Variants in PGBD5 observed in about 807,000 individuals in gnomAD.
PGBD5 encodes the protein piggyBac transposable element-derived protein 5.
Under a neutral mutation model 47.9 loss-of-function variants are expected in PGBD5, and 14 were observed. The ratio of observed to expected loss-of-function variants is 0.29; its 90% confidence interval spans 0.19 to 0.46. The LOEUF is 0.46. Among genes scored for constraint, PGBD5 ranks in the 20% least tolerant of loss-of-function variants. The probability of loss-of-function intolerance (pLI) is 1.00; values close to 1 mark genes in which losing one functional copy is unlikely to be tolerated. For synonymous variants in PGBD5, 316 were observed against 306.3 expected, an observed-to-expected ratio of 1.03 and a Z score of -0.33; for missense variants, 635 against 716.0, an observed-to-expected ratio of 0.89 and a Z score of 1.29.
At chr1:230,358,187 C>A (rs114248030) in intron 1 of PGBD5, among the ~76,000 whole-genome samples, 6 of 152,160 alleles carry the variant, frequency 3.9e-5, no homozygotes, top group African/African-American at 1.4e-4. Flanking sequence ...CTCCTCCCTC[C>A]CCTGCAGACC....
rs865959364 is a variant in PGBD5 at position 230,421,135 on chromosome 1, G to T, written c.331+4463C>A. On this transcript the variant is annotated intron_variant, in intron 1 of 6. Transcript: ENST00000391860. ...CTCTGAGTACTCATTAGGACAACTC[G>T]GGACAGCAAGGATTAAACAGGGAGC... Among the ~76,000 whole-genome samples, 8 of 152,214 alleles carry T rather than the reference G, an allele frequency of 5.3e-5. No homozygotes were observed. In the Middle Eastern group the frequency reaches 0.01, roughly 194 times the overall value.
chr1:230,328,654 C>T (rs1227126078), intron 5 of PGBD5, among the ~76,000 whole-genome samples: 1 of 152,216 alleles, frequency 6.6e-6, no homozygotes, highest in African/African-American at 2.4e-5. Flanking sequence ...ATCGACATGG[C>T]CCTGTCTTCC....
intron 1 of PGBD5, among the ~76,000 whole-genome samples, chr1:230,381,366 C>T (rs1656483852): frequency 6.6e-6 from 1 of 152,238 alleles, no homozygotes; most frequent in Admixed American, 6.5e-5. Context: ...GCACACGCTG[C>T]TGCTGCCTGC....
intron 1 of PGBD5, among the ~76,000 whole-genome samples, chr1:230,389,361 C>T (rs555970184): frequency 3.3e-5 from 5 of 151,710 alleles, no homozygotes; most frequent in Non-Finnish European, 5.9e-5. Context: ...TTGGTAGAGA[C>T]GGGGTTTCAC....
chr1:230,416,598 G>C (rs1657519367), intron 1 of PGBD5, among the ~76,000 whole-genome samples: 2 of 152,208 alleles, frequency 1.3e-5, no homozygotes, highest in Non-Finnish European at 2.9e-5. Flanking sequence ...AGGCCAGCAG[G>C]CAAGGGCTGC....
intron 1 of PGBD5, among the ~76,000 whole-genome samples, chr1:230,411,957 G>T (rs1558215062): frequency 2.6e-5 from 4 of 152,106 alleles, no homozygotes; most frequent in Non-Finnish European, 5.9e-5. Context: ...TTGACAAAAG[G>T]TATATAAAAC....
chr1:230,425,213 T>C lies in PGBD5; in HGVS notation c.331+385A>G, dbSNP rs1246893982. Among the ~76,000 whole-genome samples the C allele has an allele frequency of 1.3e-5, 2 of 151,920 alleles. No individual in the cohort carries two copies. Among genetic ancestry groups the C allele is most frequent in the African/African-American group, 4.8e-5 (2 of 41,330 alleles). The stretch of plus-strand genomic sequence containing the variant: ...CAGTGAAAAAACGACTCCCCCTGCC[T>C]CCACCAGCCACGCCGGGCTTTCAGA... On this transcript the variant is annotated intron_variant, in intron 1 of 6. Coordinates refer to ENST00000391860, the MANE Select transcript of PGBD5 (RefSeq NM_001258311.2). This position sits in a 1 kb window ranked among gnomAD's most constrained non-coding sequence, Gnocchi z 4.7.
chr1:230,352,962 A>G (rs975173519), intron 2 of PGBD5, among the ~76,000 whole-genome samples: 1 of 152,218 alleles, frequency 6.6e-6, no homozygotes, highest in African/African-American at 2.4e-5. Context: ...CTTCAGAAAG[A>G]AAGTGCACCT....
chr1:230,426,059 C>T lies in PGBD5; in HGVS notation c.-131G>A. On this transcript the variant is annotated 5_prime_UTR_variant, in exon 1 of 7. Coordinates refer to ENST00000391860, the MANE Select transcript of PGBD5 (RefSeq NM_001258311.2). ...CAGCACAGCGCCCGCCGCCCCGTGC[C>T]CGGCCGGCCCGCCGTCTTGGCCGCC... 3.0e-6 allele frequency: 1 copy of T among 330,638 alleles called. No individual in the cohort carries two copies. Among genetic ancestry groups the T allele is most frequent in the Non-Finnish European group, 4.3e-6 (1 of 234,476 alleles). 20.5% of individuals were successfully genotyped at this position (330,638 alleles called of 1,614,324 possible).
At chr1:230,364,383 C>A (rs1221249380) in intron 1 of PGBD5, among the ~76,000 whole-genome samples, 3 of 152,256 alleles carry the variant, frequency 2.0e-5, no homozygotes, top group Non-Finnish European at 2.9e-5. Context: ...TTAGTGTTAA[C>A]CTCCTAAATG....
chr1:230,409,828 A>C (rs186771444), intron 1 of PGBD5, among the ~76,000 whole-genome samples: 1 of 152,086 alleles, frequency 6.6e-6, no homozygotes, highest in African/African-American at 2.4e-5. Context: ...AAGAACTTCC[A>C]TATTATCAAG....
At chr1:230,389,031 C>T (rs1228207205) in intron 1 of PGBD5, among the ~76,000 whole-genome samples, 1 of 152,230 alleles carries the variant, frequency 6.6e-6, no homozygotes, top group East Asian at 1.9e-4. Flanking sequence ...GAGGAAGCTG[C>T]CTTGGGCTCA....
rs944813498 is a variant in PGBD5 at position 230,321,513 on chromosome 1, A to G, written c.*1912T>C. The G allele has an allele frequency of 3.9e-5, 6 of 152,216 alleles. No individual in the cohort carries two copies. Among genetic ancestry groups the G allele is most frequent in the Non-Finnish European group, 8.8e-5 (6 of 68,042 alleles). The allele number at this position is 152,216 out of a possible 1,614,324, so 9.4% of individuals were successfully genotyped here. On this transcript the variant is annotated 3_prime_UTR_variant, in exon 7 of 7. Transcript: ENST00000391860. ...GAAATGGGCTTTCGCCATGTTGCCAATGCTGGTCTCAAACTCCTGGACTCA... is the reference window on the plus strand; with the variant it reads ...GAAATGGGCTTTCGCCATGTTGCCAGTGCTGGTCTCAAACTCCTGGACTCA...
chr1:230,418,102 G>A (rs1657557922), intron 1 of PGBD5, among the ~76,000 whole-genome samples: 1 of 152,174 alleles, frequency 6.6e-6, no homozygotes, highest in South Asian at 2.1e-4. Flanking sequence ...CCCCCCACCA[G>A]CAAAGAATTA....
At chr1:230,377,150 T>G (rs1418512531) in intron 1 of PGBD5, among the ~76,000 whole-genome samples, 3 of 152,194 alleles carry the variant, frequency 2.0e-5, no homozygotes, top group Non-Finnish European at 4.4e-5. Context: ...AATGAGCTCC[T>G]AAATGCATAA....
intron 5 of PGBD5, 98 bp downstream of exon 5, chr1:230,332,746 A>G: frequency 1.4e-6 from 2 of 1,401,056 alleles, no homozygotes; most frequent in South Asian, 1.3e-5. Flanking sequence ...AGAGCAGCAC[A>G]GCCCACAGTG....
chr1:230,351,659 G>A (rs1295609843), intron 2 of PGBD5, among the ~76,000 whole-genome samples: 3 of 152,012 alleles, frequency 2.0e-5, no homozygotes, highest in South Asian at 2.1e-4. Context: ...GTCAGCCCAC[G>A]ACCTCCTTCT....
rs1448260127 is a variant in PGBD5 at position 230,323,492 on chromosome 1, C to T, written c.1508G>A (p.Arg503Gln). 3.7e-6 allele frequency: 6 copies of T among 1,614,166 alleles called. No individual in the cohort carries two copies. Among genetic ancestry groups the T allele is most frequent in the Non-Finnish European group, 5.1e-6 (6 of 1,180,038 alleles). The stretch of plus-strand genomic sequence containing the variant: ...GACGAGTCTCTCTCCAAACTGCGCC[C>T]GGCTGTACCTCTTCACGTGGTAGGC... ...SDAYHVKRYS[R>Q]AQFGERLVRE... The change falls in exon 7 of 7, where the codon CGG becomes CAG. Residue 503 changes from arginine to glutamine, a missense_variant. Arg to Gln is a conservative substitution (Grantham distance 43, BLOSUM62 1). Coordinates refer to ENST00000391860, the MANE Select transcript of PGBD5 (RefSeq NM_001258311.2). The surrounding 1 kb of genome is among the most constrained non-coding windows in gnomAD (Gnocchi z 4.1).
intron 1 of PGBD5, among the ~76,000 whole-genome samples, chr1:230,392,548 G>A (rs1297093095): frequency 6.6e-6 from 1 of 152,192 alleles, no homozygotes; most frequent in Non-Finnish European, 1.5e-5. Context: ...CCCTGGGAGG[G>A]CAGCTGCTTT....
Sources: allele counts gnomAD v4.1 joint callset (sites outside exome capture counted in the v4.1 genomes callset), GRCh38; gene constraint gnomAD v4.1.1; non-coding constraint Gnocchi (gnomAD v3.1); transcripts MANE v1.5; gene names NCBI Gene and HGNC (gene_info 2026-07-23, HGNC 2026-07-21).